Variants in BABAM2 observed in about 807,000 individuals in gnomAD.
BABAM2 encodes BRISC and BRCA1 A complex member 2, also known as BRISC and BRCA1-A complex member 2.
Under a neutral mutation model 54.7 loss-of-function variants are expected in BABAM2, and 31 were observed. That is an observed-to-expected ratio of 0.57 (90% CI 0.43 to 0.77). BABAM2 has a LOEUF of 0.77. Among genes scored for constraint, BABAM2 ranks in the 30% least tolerant of loss-of-function variants. The pLI, the probability that BABAM2 is intolerant of heterozygous loss-of-function variation, is 0.00. For missense variants in BABAM2, 364 were observed against 455.8 expected (o/e 0.80, Z 1.83); for synonymous variants, 167 against 162.9 (o/e 1.03, Z -0.19).
intron 6 of BABAM2, among the ~76,000 whole-genome samples, chr2:28,079,618 A>G (rs566390656): frequency 1.3e-5 from 2 of 152,134 alleles, no homozygotes; most frequent in Non-Finnish European, 2.9e-5. Context: ...AATTAAATTG[A>G]GCTCTAGGCC....
intron 10 of BABAM2, among the ~76,000 whole-genome samples, chr2:28,278,051 A>G (rs890606630): frequency 7.9e-5 from 12 of 152,228 alleles, no homozygotes; most frequent in African/African-American, 2.7e-4. Context: ...GGCTGATGCA[A>G]TCCATTCCAA....
rs1261749674 is a variant in BABAM2, at chr2:27,895,021, A to G, written c.128+337A>G. ...TGTTTGCTGCAGTCCAGCAACAAAC[A>G]TATTCTGAATCTGATACCATTTGGT... On this transcript the variant is annotated intron_variant, in intron 2 of 11. Coordinates refer to ENST00000379624, the MANE Select transcript of BABAM2 (RefSeq NM_199191.3). The G allele has an allele frequency of 1.8e-5, 4 of 218,462 alleles. 1 individual carries two copies. Among genetic ancestry groups the G allele is most frequent in the Non-Finnish European group, 3.6e-5 (4 of 110,726 alleles). 13.5% of individuals were successfully genotyped at this position (218,462 alleles called of 1,614,324 possible).
chr2:28,143,700 T>C (rs1360854388), intron 7 of BABAM2, among the ~76,000 whole-genome samples: 3 of 152,208 alleles, frequency 2.0e-5, no homozygotes, highest in African/African-American at 7.2e-5. Context: ...ATGTGGATAC[T>C]GATGCTGGAT....
At chr2:28,072,509 C>T (rs561974536) in intron 6 of BABAM2, among the ~76,000 whole-genome samples, 5 of 152,286 alleles carry the variant, frequency 3.3e-5, no homozygotes, top group Admixed American at 1.3e-4. Flanking sequence ...CCTCAGCCTC[C>T]CAAGTAGCTG....
Position 28,324,759 on chromosome 2 carries a change from C to T in BABAM2, c.1089-13691C>T, listed in dbSNP as rs529242132. On this transcript the variant is annotated intron_variant, in intron 11 of 11. Coordinates refer to ENST00000379624, the MANE Select transcript of BABAM2 (RefSeq NM_199191.3). ...GCAGTGAGCCAAGATTGCACCACCACACTCCAGCCTGGGTGACAGAGTGCA... is the reference window on the plus strand; with the variant it reads ...GCAGTGAGCCAAGATTGCACCACCATACTCCAGCCTGGGTGACAGAGTGCA... Among the ~76,000 whole-genome samples, 7 of 152,302 alleles carry T rather than the reference C, an allele frequency of 4.6e-5. No homozygotes were observed. In the South Asian group the frequency reaches 1.4e-3, roughly 32 times the overall value.
At chr2:27,988,971 T>C (rs1324644093) in intron 4 of BABAM2, among the ~76,000 whole-genome samples, 8 of 152,162 alleles carry the variant, frequency 5.3e-5, no homozygotes, top group Admixed American at 5.2e-4. Flanking sequence ...CTTCCACCCT[T>C]TAAAGGTATT....
chr2:28,143,871 G>A (rs1382723794), intron 7 of BABAM2, among the ~76,000 whole-genome samples: 1 of 152,158 alleles, frequency 6.6e-6, no homozygotes, highest in Non-Finnish European at 1.5e-5. Context: ...ACTTACCTGA[G>A]TTCTGAAGTT....
At chr2:28,035,478 G>A (rs970754160) in intron 5 of BABAM2, among the ~76,000 whole-genome samples, 2 of 152,068 alleles carry the variant, frequency 1.3e-5, no homozygotes, top group Non-Finnish European at 2.9e-5. Context: ...TGTCCTGATG[G>A]CATTTGACAT....
chr2:27,979,530 A>G (rs1419542136), intron 3 of BABAM2, among the ~76,000 whole-genome samples: 2 of 152,078 alleles, frequency 1.3e-5, no homozygotes, highest in African/African-American at 4.8e-5. Context: ...TTCTTTGAGA[A>G]ATCTCCAAAC....
intron 3 of BABAM2, among the ~76,000 whole-genome samples, chr2:27,951,331 TTG>T (rs910566438): frequency 3.9e-5 from 6 of 152,204 alleles, no homozygotes; most frequent in African/African-American, 1.4e-4. Context: ...TTTTGCTGTG[TTG>T]TGTTTTTATT....
At chr2:28,023,224 G>C (rs1056672362) in intron 4 of BABAM2, among the ~76,000 whole-genome samples, 1 of 152,128 alleles carries the variant, frequency 6.6e-6, no homozygotes, top group Non-Finnish European at 1.5e-5. Flanking sequence ...AAATTGTTTG[G>C]ATATAGGCCT....
At chr2:27,923,543 A>T (rs1456692022) in intron 2 of BABAM2, among the ~76,000 whole-genome samples, 1 of 152,122 alleles carries the variant, frequency 6.6e-6, no homozygotes, top group East Asian at 1.9e-4. Context: ...CCTTGAGCCC[A>T]GATGTTCAAG....
intron 3 of BABAM2, among the ~76,000 whole-genome samples, chr2:27,959,870 C>G (rs1670347512): frequency 6.6e-6 from 1 of 151,694 alleles, no homozygotes; most frequent in Non-Finnish European, 1.5e-5. Flanking sequence ...TTGGCTAGAG[C>G]TTGTGTGTCT....
At chr2:28,089,525 T>C (rs1314212431) in intron 6 of BABAM2, among the ~76,000 whole-genome samples, 2 of 152,222 alleles carry the variant, frequency 1.3e-5, no homozygotes, top group Non-Finnish European at 2.9e-5. Context: ...CTAGGCATTG[T>C]AATAGATAAT....
chr2:28,170,309 G>A (rs1017470885), intron 7 of BABAM2, among the ~76,000 whole-genome samples: 1 of 151,982 alleles, frequency 6.6e-6, no homozygotes, highest in Admixed American at 6.6e-5. Context: ...CTCTGGAGTG[G>A]TGTGATTATG....
At chr2:28,119,499 A>C (rs1471010915) in intron 6 of BABAM2, among the ~76,000 whole-genome samples, 1 of 152,186 alleles carries the variant, frequency 6.6e-6, no homozygotes, top group African/African-American at 2.4e-5. Flanking sequence ...TGTTGGGTAT[A>C]ATAACTGATT....
At chr2:28,127,727 G>A (rs1669678923) in intron 6 of BABAM2, among the ~76,000 whole-genome samples, 1 of 152,140 alleles carries the variant, frequency 6.6e-6, no homozygotes, top group Non-Finnish European at 1.5e-5. Flanking sequence ...CCAGGATGAA[G>A]GAAAAGAAGG....
chr2:27,890,362 T>G (rs376141839), upstream of BABAM2: 19 of 1,610,760 alleles, frequency 1.2e-5, no homozygotes, highest in South Asian at 1.9e-4. The surrounding 1 kb of genome is among the most constrained non-coding windows in gnomAD (Gnocchi z 4.8). Flanking sequence ...AAGGTGCTGC[T>G]GTCCAACCTG....
chr2:28,209,237 CCT>C (rs1400004828), intron 7 of BABAM2, among the ~76,000 whole-genome samples: 2 of 152,130 alleles, frequency 1.3e-5, no homozygotes, highest in African/African-American at 4.8e-5. Context: ...CTCTCAGTCC[CCT>C]GATTCTTCCT....
Sources: allele counts gnomAD v4.1 joint callset (sites outside exome capture counted in the v4.1 genomes callset), GRCh38; gene constraint gnomAD v4.1.1; non-coding constraint Gnocchi (gnomAD v3.1); transcripts MANE v1.5; gene names NCBI Gene and HGNC (gene_info 2026-07-23, HGNC 2026-07-21).